Variants in LRRC37A observed in about 807,000 individuals in gnomAD.
LRRC37A encodes leucine-rich repeat-containing protein 37A.
A neutral mutation model predicts 35.4 loss-of-function variants in LRRC37A; 3 were observed. That is an observed-to-expected ratio of 0.08 (90% CI 0.04 to 0.22). LRRC37A has a LOEUF of 0.22. Ranked by LOEUF, LRRC37A falls within the 10% of genes least tolerant of loss-of-function variation. The pLI is 1.00. For synonymous variants in LRRC37A, 23 were observed against 215.0 expected (o/e 0.11, Z 7.81); for missense variants, 67 against 565.3 (o/e 0.12, Z 8.94).
chr17:46,252,665 T>C, the LRRC37A span, among the ~76,000 whole-genome samples: 2 of 150,746 alleles, frequency 1.3e-5, no homozygotes, highest in Admixed American at 6.7e-5. Flanking sequence ...ACACAGCACA[T>C]GTTTCAGAGA....
rs1464447276 is a variant in LRRC37A, at chr17:46,322,404, T to C, written c.2978+11T>C. The C allele has an allele frequency of 3.1e-6, 2 of 647,288 alleles. 1 individual carries two copies. The allele number at this position is 647,288 out of a possible 1,614,324, so 40.1% of individuals were successfully genotyped here. A position where few individuals can be genotyped will look rare whatever the true frequency, so the allele number is the denominator to read the frequency against. ...AGCATTAAAATATCTGTAAGTACTA[T>C]AGTACTCTCATGAGTCAAGAGATGA... On this transcript the variant is annotated intron_variant, in intron 6 of 13. Transcript: ENST00000320254.
chr17:46,248,295 G>T, the LRRC37A span, among the ~76,000 whole-genome samples: 1 of 152,026 alleles, frequency 6.6e-6, no homozygotes, highest in African/African-American at 2.4e-5. Flanking sequence ...ACAATTTGAT[G>T]AGTTTTGACA....
At chr17:46,267,160 C>G in the LRRC37A span, 4 of 557,920 alleles carry the variant, frequency 7.2e-6, no homozygotes, top group Non-Finnish European at 1.2e-5. Context: ...TCGGTGAGCC[C>G]GGCCGCCGCG....
the LRRC37A span, among the ~76,000 whole-genome samples, chr17:46,265,312 CT>C: frequency 3.2e-5 from 3 of 94,840 alleles, no homozygotes; most frequent in Non-Finnish European, 4.2e-5. Context: ...TCTTCTTCTT[CT>C]TCCTCTTCTT....
At chr17:46,255,162 G>A in the LRRC37A span, among the ~76,000 whole-genome samples, 1 of 152,042 alleles carries the variant, frequency 6.6e-6, no homozygotes, top group East Asian at 2.0e-4. Flanking sequence ...TACACTATGG[G>A]CAAGTATGCT....
At position 46,323,508 on chromosome 17, in the gene LRRC37A, T is replaced by C. The variant is rs1306501775; in HGVS notation, c.3053+481T>C. Among the ~76,000 whole-genome samples, 3 of 93,844 alleles carry C rather than the reference T, an allele frequency of 3.2e-5. 1 individual carries two copies. Among genetic ancestry groups the C allele is most frequent in the African/African-American group, 1.0e-4 (3 of 28,952 alleles). The allele number at this position is 93,844 out of a possible 152,430, so 61.6% of individuals were successfully genotyped here. On this transcript the variant is annotated intron_variant, in intron 7 of 13. Coordinates refer to ENST00000320254, the Ensembl canonical transcript of LRRC37A. ...ACCTCCCAGGTTCAAGTGGTTCTCC[T>C]GCCTCAGCCTTCCGAGTAGCTGGGA...
the LRRC37A span, chr17:46,260,618 C>CCCTT: frequency 8.5e-7 from 1 of 1,181,928 alleles, no homozygotes; most frequent in Non-Finnish European, 1.1e-6. Context: ...GCTCTCTATT[C>CCCTT]TCTTTTTTTT....
the LRRC37A span, among the ~76,000 whole-genome samples, chr17:46,259,017 C>G: frequency 4.0e-5 from 1 of 24,992 alleles, no homozygotes; most frequent in African/African-American, 1.0e-4. Flanking sequence ...CGCACCCGGC[C>G]TATTTTTTTT....
the LRRC37A span, among the ~76,000 whole-genome samples, chr17:46,253,161 G>T: frequency 2.0e-5 from 3 of 148,628 alleles, no homozygotes; most frequent in Non-Finnish European, 4.5e-5. Flanking sequence ...GGTCACGGCC[G>T]GGCAGAGGCG....
At chr17:46,288,296 C>T (rs2049972237), upstream of LRRC37A, among the ~76,000 whole-genome samples, 1 of 150,490 alleles carries the variant, frequency 6.6e-6, no homozygotes, top group Admixed American at 6.6e-5. Flanking sequence ...TGTGCACCAC[C>T]AGGCCCGGCT....
the LRRC37A span, among the ~76,000 whole-genome samples, chr17:46,284,699 T>A: frequency 6.6e-6 from 1 of 152,228 alleles, no homozygotes; most frequent in South Asian, 2.1e-4. Flanking sequence ...GTGGGATGGG[T>A]TCAAAGTGTG....
chr17:46,253,975 A>G, the LRRC37A span, among the ~76,000 whole-genome samples: 1 of 152,222 alleles, frequency 6.6e-6, no homozygotes, highest in African/African-American at 2.4e-5. Flanking sequence ...AGGGGGATGC[A>G]AGTGGCCACA....
At chr17:46,286,094 G>T in the LRRC37A span, among the ~76,000 whole-genome samples, 2 of 152,228 alleles carry the variant, frequency 1.3e-5, no homozygotes, top group African/African-American at 4.8e-5. Flanking sequence ...TAAAAAATCT[G>T]CAAGATCCGA....
At chr17:46,291,538 G>C (rs1415608921), upstream of LRRC37A, among the ~76,000 whole-genome samples, 4 of 151,854 alleles carry the variant, frequency 2.6e-5, no homozygotes, top group African/African-American at 7.3e-5. Flanking sequence ...GCTACACTGG[G>C]CTTCAGGAGA....
the LRRC37A span, among the ~76,000 whole-genome samples, chr17:46,278,085 T>C: frequency 1.3e-5 from 2 of 152,110 alleles, no homozygotes; most frequent in Non-Finnish European, 2.9e-5. Context: ...AGCTGGGACT[T>C]ACAGGCGTGC....
the LRRC37A span, among the ~76,000 whole-genome samples, chr17:46,279,184 CTTT>C: frequency 2.7e-4 from 37 of 136,946 alleles, no homozygotes; most frequent in Admixed American, 3.6e-4. Context: ...TCTTTTTTTT[CTTT>C]TTTTTTTTTT....
the LRRC37A span, among the ~76,000 whole-genome samples, chr17:46,261,464 T>C: frequency 6.6e-6 from 1 of 152,002 alleles, no homozygotes; most frequent in African/African-American, 2.4e-5. Flanking sequence ...CAGGCTGGAG[T>C]GCAATGGCAC....
chr17:46,263,185 C>T, the LRRC37A span, among the ~76,000 whole-genome samples: 2 of 152,206 alleles, frequency 1.3e-5, no homozygotes, highest in African/African-American at 4.8e-5. Context: ...TGCCACTGCA[C>T]TCCAGCCTAA....
At chr17:46,266,958 C>T in the LRRC37A span, 1 of 154,836 alleles carries the variant, frequency 6.5e-6, no homozygotes, top group Non-Finnish European at 1.4e-5. Flanking sequence ...GAGGGCCCCG[C>T]CGGCCCTGCC....
Sources: gnomAD v4.1 joint callset for allele counts (sites outside exome capture counted in the v4.1 genomes callset) on GRCh38, gnomAD v4.1.1 for gene constraint, MANE v1.5 for transcripts, NCBI Gene and HGNC (gene_info 2026-07-23, HGNC 2026-07-21) for gene names.